Variants in KCP observed in about 807,000 individuals in gnomAD.
KCP encodes kielin/chordin-like protein.
Under a neutral mutation model 212.7 loss-of-function variants are expected in KCP, and 194 were observed. That is an observed-to-expected ratio of 0.91 (90% CI 0.81 to 1.03). The LOEUF (loss-of-function observed/expected upper bound fraction) is 1.03, where lower values mean the gene tolerates loss of function less well. Ranked by LOEUF, KCP falls within the 50% of genes least tolerant of loss-of-function variation. The pLI, the probability that KCP is intolerant of heterozygous loss-of-function variation, is 0.00. For synonymous variants in KCP, 833 were observed against 865.3 expected (o/e 0.96, Z 0.65); for missense variants, 2,080 against 2,162.5 (o/e 0.96, Z 0.76).
chr7:128,886,814 A>AGGGAAGGGGGAGGGAGAGGCG, intron 24 of KCP, 62 bp downstream of exon 24: 1 of 1,292,294 alleles, frequency 7.7e-7, no homozygotes, highest in South Asian at 1.3e-5. Context: ...CCTGGCAGGA[A>AGGGAAGGGGGAGGGAGAGGCG]GGGAAGGGGG....
intron 29 of KCP, among the ~76,000 whole-genome samples, chr7:128,882,552 A>G (rs55833855): frequency 0.027 from 4,186 of 152,304 alleles, 190 homozygotes; most frequent in African/African-American, 0.094. Flanking sequence ...AGCACCAAGT[A>G]CAGTCTGTGG....
In KCP at chr7:128,891,457, G is replaced by A; in HGVS notation, c.1872C>T (p.Arg624=). 6.4e-7 allele frequency: 1 copy of A among 1,550,532 alleles called. No homozygotes were observed. The highest frequency in any genetic ancestry group is 1.7e-4 in the Middle Eastern group (1 of 5,956). Residue 624 remains arginine (R), a synonymous_variant, in exon 18 of 40, where the codon CGC becomes CGT. Coordinates refer to ENST00000610776, the MANE Select transcript of KCP (RefSeq NM_001366122.1). ...PHPSDPCRLC[R]CLSGNVQCLA... Reference sequence around the variant, plus strand: ...CACCCAGGTGCAGACTCACCAGACAGCGACACAGACGGCAGGGGTCAGAGG... The same window carrying A: ...CACCCAGGTGCAGACTCACCAGACAACGACACAGACGGCAGGGGTCAGAGG...
Position 128,891,732 on chromosome 7 carries a change from C to G in KCP, c.1709G>C (p.Gly570Ala). The G allele has an allele frequency of 6.9e-7, 1 of 1,448,780 alleles. No homozygotes were observed. Among genetic ancestry groups the G allele is most frequent in the East Asian group, 2.5e-5 (1 of 39,424 alleles). 89.7% of individuals were successfully genotyped at this position (1,448,780 alleles called of 1,614,324 possible). Residue 570 changes from glycine (G) to alanine (A), a missense_variant, in exon 17 of 40, where the codon GGC (glycine) becomes GCC (alanine). Physicochemically the swap from Gly to Ala is moderately conservative, Grantham distance 60. Transcript: ENST00000610776. Reference sequence around the variant, plus strand: ...GGGGCGAGGCTGGCAGTGGGCATGGCCTTCCTGGCATCGGCACTCCTGGCA... The same window carrying G: ...GGGGCGAGGCTGGCAGTGGGCATGGGCTTCCTGGCATCGGCACTCCTGGCA... ...DPCQECRCQEGHAHCQPRPCP... is the reference protein window; with the variant it reads ...DPCQECRCQEAHAHCQPRPCP...
intron 38 of KCP, among the ~76,000 whole-genome samples, chr7:128,878,105 G>A (rs1490770454): frequency 1.4e-5 from 2 of 147,442 alleles, no homozygotes; most frequent in Non-Finnish European, 1.5e-5. Context: ...TGCTCAGGCT[G>A]GAGTGCAGTG....
In KCP at chr7:128,906,266, G is replaced by C; in HGVS notation, c.571+13C>G. 6.5e-7 allele frequency: 1 copy of C among 1,546,224 alleles called. No homozygotes were observed. The highest frequency in any genetic ancestry group is 8.8e-7 in the Non-Finnish European group (1 of 1,142,160). ...CAAGCAGGAGGTGGGGCTGAGACTGGCAGGAGGCTGACCTGGCTTACAGTG... is the reference window on the plus strand; with the variant it reads ...CAAGCAGGAGGTGGGGCTGAGACTGCCAGGAGGCTGACCTGGCTTACAGTG... On this transcript the variant is annotated intron_variant, in intron 5 of 39. Transcript: ENST00000610776.
chr7:128,896,352 T>C (rs556321366), intron 8 of KCP, among the ~76,000 whole-genome samples: 1 of 152,170 alleles, frequency 6.6e-6, no homozygotes, highest in Non-Finnish European at 1.5e-5. Context: ...GAGGCCCAAC[T>C]GGGGAGGGTT....
At position 128,900,705 on chromosome 7, in the gene KCP, G is replaced by A. The variant is rs562108877; in HGVS notation, c.831+2072C>T. ...GAACTCAGAGTTATGAATGGCCCTC[G>A]CCATGCCGATGCTTTCTGATTAAGC... On this transcript the variant is annotated intron_variant, in intron 8 of 39. Coordinates refer to ENST00000610776, the MANE Select transcript of KCP (RefSeq NM_001366122.1). 2.3e-4 allele frequency among the ~76,000 whole-genome samples: 35 copies of A among 152,272 alleles called. No individual in the cohort carries two copies. In the South Asian group the frequency reaches 5.8e-3, roughly 25 times the overall value.
chr7:128,902,700 T>C, intron 8 of KCP, 77 bp downstream of exon 8: 7 of 1,321,836 alleles, frequency 5.3e-6, no homozygotes, highest in Non-Finnish European at 5.3e-6. Context: ...TGCGAAGTAC[T>C]CCATAGAATG....
intron 5 of KCP, 151 bp from the exon 6 acceptor site, chr7:128,904,289 C>T (rs766916241): frequency 2.1e-5 from 33 of 1,552,876 alleles, no homozygotes; most frequent in East Asian, 2.0e-4. Flanking sequence ...GTCACCGGGC[C>T]GGCAGATGGG....
intron 8 of KCP, among the ~76,000 whole-genome samples, chr7:128,899,081 T>C (rs1269946965): frequency 6.6e-6 from 1 of 152,196 alleles, no homozygotes; most frequent in African/African-American, 2.4e-5. Context: ...AAAAGTCATA[T>C]GGGAAGTATT....
intron 32 of KCP, 110 bp downstream of exon 32, chr7:128,880,887 A>G: frequency 2.5e-6 from 1 of 400,070 alleles, no homozygotes; most frequent in Middle Eastern, 6.3e-4. Context: ...GCCCCGGTGC[A>G]GGGATGCCCC....
intron 20 of KCP, 33 bp downstream of exon 20, chr7:128,890,872 G>A: frequency 4.0e-6 from 5 of 1,242,780 alleles, no homozygotes; most frequent in African/African-American, 1.6e-5. Context: ...GGCAGGACGC[G>A]GGTGGCCGGG....
At chr7:128,880,148 T>C in intron 34 of KCP, 63 bp from the exon 35 acceptor site, 3 of 1,452,776 alleles carry the variant, frequency 2.1e-6, no homozygotes, top group Non-Finnish European at 2.7e-6. Flanking sequence ...TCGCAGACCC[T>C]CCCAGAAAAC....
Position 128,879,730 on chromosome 7 carries a change from G to A in KCP, c.4032C>T (p.Asp1344=), listed in dbSNP as rs948018249. The change falls in exon 36 of 40, where the codon GAC becomes GAT. Residue 1344 remains aspartate, a synonymous_variant. Coordinates refer to ENST00000610776, the MANE Select transcript of KCP (RefSeq NM_001366122.1). ...CGGCTTTGCTCACCGTGACTGCCCCGTCCTGCAGCAGCCGCACGGCCATGT... is the reference window on the plus strand; with the variant it reads ...CGGCTTTGCTCACCGTGACTGCCCCATCCTGCAGCAGCCGCACGGCCATGT... ...LGDMAVRLLQ[D]GAVTVDGHPV... 1.1e-5 allele frequency: 17 copies of A among 1,549,984 alleles called. No individual in the cohort carries two copies. Among genetic ancestry groups the A allele is most frequent in the East Asian group, 2.4e-5 (1 of 40,918 alleles).
At position 128,904,066 on chromosome 7, in the gene KCP, C is replaced by T; in HGVS notation, c.644G>A (p.Cys215Tyr). 15 of 1,551,510 alleles carry T rather than the reference C, an allele frequency of 9.7e-6. No homozygotes were observed. The highest frequency in any genetic ancestry group is 1.4e-5 in the African/African-American group (1 of 73,088). Residue 215 changes from cysteine to tyrosine, a missense_variant, in exon 6 of 40, where the codon TGC becomes TAC. Coordinates refer to ENST00000610776, the MANE Select transcript of KCP (RefSeq NM_001366122.1). ...FLSSSNPCLQ[C>Y]TCLRSRVRCM... The stretch of plus-strand genomic sequence containing the variant: ...GACAGGTGGACTCACCAGGCAGGTG[C>T]ACTGTAGACAAGGGTTGGAGCTGGA...
At chr7:128,906,968 A>G in intron 4 of KCP, 133 bp downstream of exon 4, 1 of 875,466 alleles carries the variant, frequency 1.1e-6, no homozygotes, top group Non-Finnish European at 1.7e-6. Flanking sequence ...AATCAACTGA[A>G]AGCCACCGTG....
chr7:128,893,026 A>G lies in KCP; in HGVS notation c.1268-5T>C, dbSNP rs1247822603. 1 of 904,206 alleles carries G rather than the reference A, an allele frequency of 1.1e-6. No individual in the cohort carries two copies. The allele number at this position is 904,206 out of a possible 1,614,324, so 56.0% of individuals were successfully genotyped here. A position where few individuals can be genotyped will look rare whatever the true frequency, so the allele number is the denominator to read the frequency against. On this transcript the variant is annotated splice_region_variant and splice_polypyrimidine_tract_variant and intron_variant, in intron 13 of 39. Coordinates refer to ENST00000610776, the MANE Select transcript of KCP (RefSeq NM_001366122.1). Reference sequence around the variant, plus strand: ...CCTCTCCATCCAGCTCACAGGCTGTAGTAAGGGGGCTGTCACATGGCAGCC... The same window carrying G: ...CCTCTCCATCCAGCTCACAGGCTGTGGTAAGGGGGCTGTCACATGGCAGCC...
rs1563037066 is a variant in KCP, at chr7:128,891,710, G to A, written c.1731C>T (p.Arg577=). Residue 577 remains arginine, a synonymous_variant, in exon 17 of 40, where the codon CGC becomes CGT. Coordinates refer to ENST00000610776, the MANE Select transcript of KCP (RefSeq NM_001366122.1). ...GGGCACAGGGGGCCCTGGGGCAGGG[G>A]CGAGGCTGGCAGTGGGCATGGCCTT... ...CQEGHAHCQP[R]PCPRAPCAHP... 6.9e-7 allele frequency: 1 copy of A among 1,449,890 alleles called. No individual in the cohort carries two copies. Among genetic ancestry groups the A allele is most frequent in the Non-Finnish European group, 9.1e-7 (1 of 1,099,632 alleles). 89.8% of individuals were successfully genotyped at this position (1,449,890 alleles called of 1,614,324 possible).
At chr7:128,902,171 A>C (rs1419610158) in intron 8 of KCP, among the ~76,000 whole-genome samples, 1 of 152,240 alleles carries the variant, frequency 6.6e-6, no homozygotes, top group African/African-American at 2.4e-5. Context: ...CTGGGATCAC[A>C]GTCATGAGCC....
Sources: allele counts gnomAD v4.1 joint callset (sites outside exome capture counted in the v4.1 genomes callset), GRCh38; gene constraint gnomAD v4.1.1; transcripts MANE v1.5; gene names NCBI Gene and HGNC (gene_info 2026-07-23, HGNC 2026-07-21).